ARHGAP15: variants seen among roughly 807,000 people sequenced by gnomAD.
The protein encoded by ARHGAP15 is rho GTPase-activating protein 15.
Under a neutral mutation model 63.7 loss-of-function variants are expected in ARHGAP15, and 51 were observed. The ratio of observed to expected loss-of-function variants is 0.80; its 90% CI spans 0.64 to 1.01. The LOEUF (loss-of-function observed/expected upper bound fraction) is 1.01, where lower values mean the gene tolerates loss of function less well. Ranked by LOEUF, ARHGAP15 falls within the 50% of genes least tolerant of loss-of-function variation. The probability of loss-of-function intolerance (pLI) is 0.00; values close to 1 mark genes in which losing one functional copy is unlikely to be tolerated. For synonymous variants in ARHGAP15, 191 were observed against 193.8 expected, an observed-to-expected ratio of 0.99 and a Z score of 0.12; for missense variants, 560 against 564.6, an observed-to-expected ratio of 0.99 and a Z score of 0.08.
At chr2:143,264,901 C>T (rs1286745901) in intron 6 of ARHGAP15, among the ~76,000 whole-genome samples, 1 of 152,108 alleles carries the variant, frequency 6.6e-6, no homozygotes, top group Non-Finnish European at 1.5e-5. Flanking sequence ...TCCATAGAGG[C>T]TTGTAGAGAA....
At chr2:143,301,818 T>TACATATATATGGAGACA (rs1429600576) in intron 6 of ARHGAP15, among the ~76,000 whole-genome samples, 7 of 151,746 alleles carry the variant, frequency 4.6e-5, no homozygotes, top group South Asian at 2.1e-4. Context: ...TATATGTATA[T>TACATATATATGGAGACA]ACATATATAT....
intron 12 of ARHGAP15, among the ~76,000 whole-genome samples, chr2:143,677,838 A>G (rs1411124247): frequency 1.3e-5 from 2 of 152,230 alleles, no homozygotes; most frequent in Non-Finnish European, 1.5e-5. Context: ...TAGGGAAAAG[A>G]CAATGTGTAT....
intron 6 of ARHGAP15, among the ~76,000 whole-genome samples, chr2:143,402,920 C>T (rs1244434160): frequency 2.6e-5 from 4 of 151,732 alleles, no homozygotes; most frequent in Non-Finnish European, 5.9e-5. Flanking sequence ...AGAGGACAAC[C>T]TATATTTTTC....
chr2:143,442,417 C>T (rs1026448484), intron 8 of ARHGAP15, among the ~76,000 whole-genome samples: 1 of 152,072 alleles, frequency 6.6e-6, no homozygotes, highest in Non-Finnish European at 1.5e-5. Flanking sequence ...ATCTAGTTTC[C>T]GGTCTAGATC....
At chr2:143,732,558 ATT>A (rs1685580743) in intron 13 of ARHGAP15, among the ~76,000 whole-genome samples, 1 of 152,148 alleles carries the variant, frequency 6.6e-6, no homozygotes, top group African/African-American at 2.4e-5. Flanking sequence ...CTCACATTTA[ATT>A]TTAGCCAAGC....
intron 2 of ARHGAP15, among the ~76,000 whole-genome samples, chr2:143,193,897 A>G (rs1465017198): frequency 6.6e-6 from 1 of 152,226 alleles, no homozygotes. Flanking sequence ...TTCTTCAGTG[A>G]TGGAACATAC....
intron 8 of ARHGAP15, among the ~76,000 whole-genome samples, chr2:143,479,295 A>G (rs1197619143): frequency 1.3e-5 from 2 of 150,322 alleles, no homozygotes; most frequent in Non-Finnish European, 3.0e-5. Flanking sequence ...GGCAGAGGCT[A>G]TCACCTCTCT....
At chr2:143,728,174 C>T (rs898373086) in intron 13 of ARHGAP15, among the ~76,000 whole-genome samples, 2 of 152,180 alleles carry the variant, frequency 1.3e-5, no homozygotes, top group Non-Finnish European at 2.9e-5. Flanking sequence ...ATTCTGAGGT[C>T]TCTCCCCTTG....
At position 143,146,695 on chromosome 2, in the gene ARHGAP15, C is replaced by T. The variant is rs997956545; in HGVS notation, c.-14-8782C>T. Reference sequence around the variant, plus strand: ...GCAAGAGAGAACTGATTTTTAAATGCATTAAAGGAGATACTCTGAAAACTT... The same window carrying T: ...GCAAGAGAGAACTGATTTTTAAATGTATTAAAGGAGATACTCTGAAAACTT... On this transcript the variant is annotated intron_variant, in intron 1 of 13. Coordinates refer to ENST00000295095, the MANE Select transcript of ARHGAP15 (RefSeq NM_018460.4). Among the ~76,000 whole-genome samples the T allele has an allele frequency of 3.3e-5, 5 of 152,084 alleles. No individual in the cohort carries two copies. The South Asian group carries it at 1.0e-3, about 32-fold the overall frequency.
intron 1 of ARHGAP15, among the ~76,000 whole-genome samples, chr2:143,145,842 GTGT>G (rs1689562679): frequency 5.2e-3 from 20 of 3,846 alleles, no homozygotes; most frequent in East Asian, 8.9e-3. Flanking sequence ...GTATAGGGGT[GTGT>G]GTGTGTGTGT....
chr2:143,415,930 T>G (rs1170174841), intron 6 of ARHGAP15, among the ~76,000 whole-genome samples: 3 of 152,022 alleles, frequency 2.0e-5, no homozygotes, highest in African/African-American at 7.2e-5. Flanking sequence ...GATATGAGGA[T>G]GCAGAGGCAT....
At chr2:143,559,223 C>T (rs950378239) in intron 11 of ARHGAP15, among the ~76,000 whole-genome samples, 1 of 152,114 alleles carries the variant, frequency 6.6e-6, no homozygotes, top group African/African-American at 2.4e-5. Context: ...GTTGCATTTC[C>T]TGCCTTTAAA....
At chr2:143,366,575 C>T (rs951109819) in intron 6 of ARHGAP15, among the ~76,000 whole-genome samples, 2 of 151,930 alleles carry the variant, frequency 1.3e-5, no homozygotes, top group African/African-American at 4.8e-5. Context: ...AAAAATTGTG[C>T]ATTTTGGTAT....
rs1377714685 is a variant in ARHGAP15 at position 143,189,540 on chromosome 2, G to A, written c.166-12594G>A. The stretch of plus-strand genomic sequence containing the variant: ...TTGGGAGACAGTCTCATTCCTCATT[G>A]CAACCTCCCCTCTCAGGTTCAAGCG... On this transcript the variant is annotated intron_variant, in intron 2 of 13. Transcript: ENST00000295095. Among the ~76,000 whole-genome samples, 7 of 135,198 alleles carry A rather than the reference G, an allele frequency of 5.2e-5. No homozygotes were observed. The East Asian group carries it at 1.5e-3, about 28-fold the overall frequency. The allele number at this position is 135,198 out of a possible 152,430, so 88.7% of individuals were successfully genotyped here. A position where few individuals can be genotyped will look rare whatever the true frequency, so the allele number is the denominator to read the frequency against.
At chr2:143,599,477 C>A (rs138580735) in intron 11 of ARHGAP15, among the ~76,000 whole-genome samples, 7 of 152,022 alleles carry the variant, frequency 4.6e-5, no homozygotes, top group African/African-American at 1.7e-4. Context: ...TGTTGAGGAT[C>A]GCTTGAAATC....
At chr2:143,286,974 G>A (rs1682137160) in intron 6 of ARHGAP15, among the ~76,000 whole-genome samples, 1 of 152,070 alleles carries the variant, frequency 6.6e-6, no homozygotes, top group South Asian at 2.1e-4. Context: ...TTGTTATGTG[G>A]CACATGGCTA....
At chr2:143,531,127 C>CGTGTGTGTGTGTGCGT (rs58887426) in intron 10 of ARHGAP15, among the ~76,000 whole-genome samples, 1 of 151,762 alleles carries the variant, frequency 6.6e-6, no homozygotes, top group Non-Finnish European at 1.5e-5. Flanking sequence ...TGTGTGTGCG[C>CGTGTGTGTGTGTGCGT]GCATGTGTGT....
At chr2:143,270,359 G>T (rs895732124) in intron 6 of ARHGAP15, among the ~76,000 whole-genome samples, 3 of 152,070 alleles carry the variant, frequency 2.0e-5, no homozygotes, top group African/African-American at 7.2e-5. Flanking sequence ...GATCTTCTTG[G>T]TATTTACAAT....
At chr2:143,333,386 C>T (rs1684633591) in intron 6 of ARHGAP15, among the ~76,000 whole-genome samples, 1 of 152,188 alleles carries the variant, frequency 6.6e-6, no homozygotes, top group Non-Finnish European at 1.5e-5. Context: ...GTCTATGTAA[C>T]TCATTCGAGC....
Sources: gnomAD v4.1 joint callset for allele counts (sites outside exome capture counted in the v4.1 genomes callset) on GRCh38, gnomAD v4.1.1 for gene constraint, MANE v1.5 for transcripts, NCBI Gene and HGNC (gene_info 2026-07-23, HGNC 2026-07-21) for gene names.